The following SH2D5 variants were observed in gnomAD, a reference collection of about 807,000 sequenced individuals.
SH2D5 encodes SH2 domain containing 5.
In SH2D5, 45 loss-of-function variants were observed where a neutral mutation model predicts 48.2. The ratio of observed to expected loss-of-function variants is 0.93; its 90% CI spans 0.73 to 1.20. SH2D5 has a LOEUF of 1.20. SH2D5 is among the 50% of genes most tolerant of loss of function. The probability of loss-of-function intolerance (pLI) is 0.00; values close to 1 mark genes in which losing one functional copy is unlikely to be tolerated. For missense variants in SH2D5, 538 were observed against 584.1 expected (o/e 0.92, Z 0.81); for synonymous variants, 230 against 249.8 (o/e 0.92, Z 0.75).
At chr1:20,722,084 T>G (rs2054698430) in intron 9 of SH2D5, 89 bp from the exon 10 acceptor site, 2 of 1,287,672 alleles carry the variant, frequency 1.6e-6, no homozygotes, top group Admixed American at 4.4e-5. Context: ...GCCTGCACAT[T>G]TTGGAGAGCA....
At position 20,728,371 on chromosome 1, in the gene SH2D5, G is replaced by A. The variant is rs2054846174; in HGVS notation, c.-42-285C>T. 6.6e-6 allele frequency among the ~76,000 whole-genome samples: 1 copy of A among 152,210 alleles called. No individual in the cohort carries two copies. Among genetic ancestry groups the A allele is most frequent in the South Asian group, 2.1e-4 (1 of 4,830 alleles). On this transcript the variant is annotated intron_variant, in intron 1 of 9. Coordinates refer to ENST00000444387, the MANE Select transcript of SH2D5 (RefSeq NM_001103161.2). This position sits in a 1 kb window ranked among gnomAD's most constrained non-coding sequence, Gnocchi z 4.3. Reference sequence around the variant, plus strand: ...GCAGGGAGGAGAATGGGAAACGTCAGCTTAAGGGCTGACTGTTGCTGGGAA... The same window carrying A: ...GCAGGGAGGAGAATGGGAAACGTCAACTTAAGGGCTGACTGTTGCTGGGAA...
chr1:20,723,048 G>T, intron 8 of SH2D5, 133 bp from the exon 9 acceptor site: 1 of 827,324 alleles, frequency 1.2e-6, no homozygotes. Flanking sequence ...GGGCTCAGTG[G>T]CTCATGCCTG....
Position 20,728,734 on chromosome 1 carries a change from G to A in SH2D5, c.-42-648C>T, listed in dbSNP as rs557698930. 2.0e-5 allele frequency among the ~76,000 whole-genome samples: 3 copies of A among 152,212 alleles called. No individual in the cohort carries two copies. The highest frequency in any genetic ancestry group is 4.4e-5 in the Non-Finnish European group (3 of 68,032). The stretch of plus-strand genomic sequence containing the variant: ...ATCCAGTTTGGGATCAGCCTTAGAC[G>A]CCAGGCTCAGGAATTCAGACCCCAC... On this transcript the variant is annotated intron_variant, in intron 1 of 9. Transcript: ENST00000444387. The surrounding 1 kb of genome is among the most constrained non-coding windows in gnomAD (Gnocchi z 4.3).
intron 1 of SH2D5, among the ~76,000 whole-genome samples, chr1:20,730,122 G>A (rs2154538721): frequency 6.6e-6 from 1 of 152,224 alleles, no homozygotes; most frequent in Non-Finnish European, 1.5e-5. Flanking sequence ...CGGCCAGGAT[G>A]GCGGGCAGTG....
chr1:20,724,409 A>G lies in SH2D5; in HGVS notation c.617T>C (p.Leu206Pro), dbSNP rs1488893910. Residue 206 changes from leucine to proline, a missense_variant, in exon 6 of 10, where the codon CTG becomes CCG. By Grantham distance (98) the Leu-to-Pro change is moderately conservative. Coordinates refer to ENST00000444387, the MANE Select transcript of SH2D5 (RefSeq NM_001103161.2). ...VSFRRLPAEG[L>P]VGSGKELPES... ...GGTGCTGCGTACCCCACTGCCCACC[A>G]GCCCCTCTGCTGGCAGCCGCCGAAA... The G allele has an allele frequency of 6.2e-7, 1 of 1,612,778 alleles. No homozygotes were observed. Among genetic ancestry groups the G allele is most frequent in the South Asian group, 1.1e-5 (1 of 91,064 alleles).
At position 20,721,992 on chromosome 1, in the gene SH2D5, G is replaced by T; in HGVS notation, c.1072C>A (p.Leu358Met). The T allele has an allele frequency of 6.2e-7, 1 of 1,612,282 alleles. No homozygotes were observed. Residue 358 changes from leucine (L) to methionine (M), a missense_variant, in exon 10 of 10, where the codon CTG becomes ATG. Coordinates refer to ENST00000444387, the MANE Select transcript of SH2D5 (RefSeq NM_001103161.2). ...TCCAGGCTGGGGAACTCTGCCGGCAGGTGCTAGGGGAGGAAGGGACTTCAG... is the reference window on the plus strand; with the variant it reads ...TCCAGGCTGGGGAACTCTGCCGGCATGTGCTAGGGGAGGAAGGGACTTCAG... ...NHLGRYCLEH[L>M]PAEFPSLEAL...
chr1:20,725,257 G>C lies in SH2D5; in HGVS notation c.391-622C>G, dbSNP rs957858180. Among the ~76,000 whole-genome samples, 10 of 152,318 alleles carry C rather than the reference G, an allele frequency of 6.6e-5. 1 individual carries two copies. Among genetic ancestry groups the C allele is most frequent in the Admixed American group, 5.9e-4 (9 of 15,302 alleles). On this transcript the variant is annotated intron_variant, in intron 5 of 9. Transcript: ENST00000444387. ...AGCTCAAGGAACATGACTCAGCCAC[G>C]TGTCACCCCAGTATCCAGCACATGG...
intron 8 of SH2D5, among the ~76,000 whole-genome samples, chr1:20,723,261 C>A (rs532935536): frequency 2.0e-5 from 3 of 152,312 alleles, no homozygotes; most frequent in African/African-American, 7.2e-5. Context: ...CAGAAAGAAG[C>A]TTTTAGAAGC....
At chr1:20,722,638 G>A in intron 9 of SH2D5, 118 bp downstream of exon 9, 1 of 1,090,480 alleles carries the variant, frequency 9.2e-7, no homozygotes, top group Non-Finnish European at 1.2e-6. Flanking sequence ...ATGGGAGACA[G>A]GGATGGGGGT....
At chr1:20,731,806 A>G (rs2054916480) in intron 1 of SH2D5, among the ~76,000 whole-genome samples, 1 of 151,896 alleles carries the variant, frequency 6.6e-6, no homozygotes, top group African/African-American at 2.4e-5. Context: ...GCTGCGGGGA[A>G]CGGCCAGGGG....
rs888728821 is a variant in SH2D5, at chr1:20,727,657, T to C, written c.88-54A>G. On this transcript the variant is annotated intron_variant, in intron 2 of 9. Transcript: ENST00000444387. ...GGCGGGGAGTCAGGCCCGTGGCTCC[T>C]AACCCCATCCTCCAAATTCCCCCCA... The C allele has an allele frequency of 2.0e-6, 3 of 1,478,848 alleles. No individual in the cohort carries two copies. In the African/African-American group the frequency reaches 4.2e-5, roughly 21 times the overall value. 91.6% of individuals were successfully genotyped at this position (1,478,848 alleles called of 1,614,324 possible).
At chr1:20,726,178 C>G in intron 4 of SH2D5, 112 bp from the exon 5 acceptor site, 1 of 1,319,754 alleles carries the variant, frequency 7.6e-7, no homozygotes. Context: ...CGCCCAGTCT[C>G]AAGCCCTCAT....
At chr1:20,723,537 G>C in intron 8 of SH2D5, 89 bp downstream of exon 8, 3 of 1,008,382 alleles carry the variant, frequency 3.0e-6, no homozygotes. Flanking sequence ...GCCCGTGCAC[G>C]GGAGTGTGTG....
intron 7 of SH2D5, 71 bp from the exon 8 acceptor site, chr1:20,723,805 T>C: frequency 7.8e-7 from 1 of 1,285,322 alleles, no homozygotes; most frequent in Non-Finnish European, 1.1e-6. Context: ...GCAGGCCTCA[T>C]CACCCAGGGT....
chr1:20,727,198 G>A lies in SH2D5; in HGVS notation c.169-123C>T, dbSNP rs541627471. ...TCCACCACCCCTGGCAGGGGGTGGGGCCCTGGCTGGTGGACCCCCCTGGCG... is the reference window on the plus strand; with the variant it reads ...TCCACCACCCCTGGCAGGGGGTGGGACCCTGGCTGGTGGACCCCCCTGGCG... On this transcript the variant is annotated intron_variant, in intron 3 of 9. Coordinates refer to ENST00000444387, the MANE Select transcript of SH2D5 (RefSeq NM_001103161.2). The A allele has an allele frequency of 9.6e-6, 8 of 835,004 alleles. No individual in the cohort carries two copies. The Admixed American group carries it at 1.4e-4, about 15-fold the overall frequency. The allele number at this position is 835,004 out of a possible 1,614,324, so 51.7% of individuals were successfully genotyped here. A position where few individuals can be genotyped will look rare whatever the true frequency, so the allele number is the denominator to read the frequency against.
rs368532178 is a variant in SH2D5 at position 20,724,091 on chromosome 1, C to T, written c.791G>A (p.Arg264Gln). 8 of 1,610,764 alleles carry T rather than the reference C, an allele frequency of 5.0e-6. No individual in the cohort carries two copies. Among genetic ancestry groups the T allele is most frequent in the African/African-American group, 2.7e-5 (2 of 75,014 alleles). Residue 264 changes from arginine to glutamine, a missense_variant, in exon 7 of 10, where the codon CGG becomes CAG. Coordinates refer to ENST00000444387, the MANE Select transcript of SH2D5 (RefSeq NM_001103161.2). ...ATGTTCCCACAACTCACAGGCCTCC[C>T]GAGCCGACAGCTGCAGCTGGGTCTC... The part of the protein sequence containing the change: ...TYETQLQLSA[R>Q]EAFPAAWEAW...
rs1049780567 is a variant in SH2D5 at position 20,728,105 on chromosome 1, G to T, written c.-42-19C>A. On this transcript the variant is annotated intron_variant, in intron 1 of 9. Coordinates refer to ENST00000444387, the MANE Select transcript of SH2D5 (RefSeq NM_001103161.2). The surrounding 1 kb of genome is among the most constrained non-coding windows in gnomAD (Gnocchi z 4.3). ...GGGGAGGCTGCAAAGGGCAGGGGGG[G>T]AAGGGCTGCTTTCGAGGCAGGCAAG... 1.6e-6 allele frequency: 2 copies of T among 1,251,798 alleles called. No individual in the cohort carries two copies. The highest frequency in any genetic ancestry group is 2.2e-6 in the Non-Finnish European group (2 of 894,704). The allele number at this position is 1,251,798 out of a possible 1,614,324, so 77.5% of individuals were successfully genotyped here.
At chr1:20,723,879 G>A (rs539476613) in intron 7 of SH2D5, 145 bp from the exon 8 acceptor site, 235 of 982,860 alleles carry the variant, frequency 2.4e-4, no homozygotes, top group Middle Eastern at 2.2e-3. Flanking sequence ...CCTTCCGCCC[G>A]ACAGTTCTGG....
intron 3 of SH2D5, 100 bp downstream of exon 3, chr1:20,727,423 G>A: frequency 1.7e-6 from 2 of 1,174,470 alleles, no homozygotes; most frequent in East Asian, 2.6e-5. Context: ...CCTGTGTCCT[G>A]CCCCTCTCTA....
Sources: allele counts gnomAD v4.1 joint callset (sites outside exome capture counted in the v4.1 genomes callset), GRCh38; gene constraint gnomAD v4.1.1; non-coding constraint Gnocchi (gnomAD v3.1); transcripts MANE v1.5; gene names NCBI Gene and HGNC (gene_info 2026-07-23, HGNC 2026-07-21).